Variants in MYO16 observed in about 807,000 individuals in gnomAD.
The protein encoded by MYO16 is unconventional myosin-XVI.
A neutral mutation model predicts 205.3 loss-of-function variants in MYO16; 94 were observed. That is an observed-to-expected ratio of 0.46 (90% confidence interval 0.39 to 0.54). The LOEUF (loss-of-function observed/expected upper bound fraction) is 0.54. Ranked by LOEUF, MYO16 falls within the 20% of genes least tolerant of loss-of-function variation. The probability of loss-of-function intolerance (pLI) is 0.00; values close to 1 mark genes in which losing one functional copy is unlikely to be tolerated. For synonymous variants in MYO16, 988 were observed against 954.0 expected (o/e 1.04, Z -0.66); for missense variants, 2,315 against 2,387.5 (o/e 0.97, Z 0.63).
intron 29 of MYO16, among the ~76,000 whole-genome samples, chr13:109,122,947 A>G (rs1197910845): frequency 6.6e-6 from 1 of 152,196 alleles, no homozygotes; most frequent in East Asian, 1.9e-4. Flanking sequence ...TTCTTTAAAA[A>G]TGTCCAGGGG....
intron 33 of MYO16, among the ~76,000 whole-genome samples, chr13:109,176,335 G>A (rs1480186068): frequency 1.3e-5 from 2 of 151,430 alleles, no homozygotes; most frequent in Non-Finnish European, 2.9e-5. Context: ...GGATCTGTAG[G>A]ATGTTTGAAG....
rs1876301386 is a variant in MYO16, at chr13:109,127,313, C to T, written c.3814C>T (p.His1272Tyr). 1 of 1,598,756 alleles carries T rather than the reference C, an allele frequency of 6.3e-7. No homozygotes were observed. The highest frequency in any genetic ancestry group is 1.3e-5 in the African/African-American group (1 of 74,630). Residue 1272 changes from histidine (H) to tyrosine (Y), a missense_variant, in exon 31 of 35, where the codon CAC becomes TAC. Coordinates refer to ENST00000457511, the MANE Select transcript of MYO16 (RefSeq NM_001198950.3). This position sits in a 1 kb window ranked among gnomAD's most constrained non-coding sequence, Gnocchi z 4.2. ...TDDKSGPRHF[H>Y]PSSMSVCAAV... ...TGACAAGAGTGGACCCAGGCATTTC[C>T]ACCCCAGCTCCATGTCAGTCTGCGC... is the stretch of plus-strand genomic sequence containing the variant.
intron 14 of MYO16, among the ~76,000 whole-genome samples, chr13:108,891,972 C>G (rs1880196472): frequency 6.6e-6 from 1 of 151,968 alleles, no homozygotes; most frequent in Admixed American, 6.5e-5. Context: ...GTATCTGATT[C>G]CTTATTTAGA....
chr13:108,690,257 C>T (rs184365264), intron 2 of MYO16, among the ~76,000 whole-genome samples: 3 of 124,962 alleles, frequency 2.4e-5, no homozygotes, highest in Non-Finnish European at 5.1e-5. Context: ...CTTTTCTCAC[C>T]TTTTCTTTCT....
At chr13:108,976,259 G>A (rs1457959176) in intron 20 of MYO16, among the ~76,000 whole-genome samples, 1 of 152,052 alleles carries the variant, frequency 6.6e-6, no homozygotes, top group Non-Finnish European at 1.5e-5. Flanking sequence ...CCTAAGTGAA[G>A]TTTTATCTCT....
chr13:108,753,687 C>T (rs539235889), intron 4 of MYO16, among the ~76,000 whole-genome samples: 20 of 152,076 alleles, frequency 1.3e-4, no homozygotes, highest in South Asian at 2.1e-4. Context: ...GCTACTGAGG[C>T]GCTCCTGGAG....
chr13:108,741,571 T>A (rs1884911434), intron 4 of MYO16, among the ~76,000 whole-genome samples: 1 of 152,208 alleles, frequency 6.6e-6, no homozygotes, highest in Non-Finnish European at 1.5e-5. Context: ...CAGCTGTGAA[T>A]GTGAACCCTG....
At chr13:108,850,848 A>G (rs1877826291) in intron 10 of MYO16, among the ~76,000 whole-genome samples, 1 of 152,186 alleles carries the variant, frequency 6.6e-6, no homozygotes, top group Non-Finnish European at 1.5e-5. Flanking sequence ...GCTAGGGAGT[A>G]GTCACATTTT....
intron 6 of MYO16, among the ~76,000 whole-genome samples, chr13:108,798,857 C>T (rs1024526383): frequency 6.8e-6 from 1 of 146,092 alleles, no homozygotes; most frequent in Admixed American, 6.9e-5. Context: ...AGGCGCCCGC[C>T]ACCGCGCCCG....
intron 28 of MYO16, 118 bp downstream of exon 28, chr13:109,101,005 C>G (rs1358899705): frequency 1.3e-6 from 1 of 778,348 alleles, no homozygotes; most frequent in Non-Finnish European, 2.1e-6. Context: ...ATGTGTTTGG[C>G]AAGGCGTGAC....
chr13:108,704,140 C>T (rs1227071158), intron 2 of MYO16, among the ~76,000 whole-genome samples: 2 of 152,254 alleles, frequency 1.3e-5, no homozygotes, highest in South Asian at 2.1e-4. Flanking sequence ...AATAAATTTC[C>T]ATTGTGTAAA....
chr13:109,023,735 A>AT (rs1385883005), intron 23 of MYO16, among the ~76,000 whole-genome samples: 24 of 112,906 alleles, frequency 2.1e-4, no homozygotes, highest in African/African-American at 3.3e-4. Flanking sequence ...ATATGCATAT[A>AT]TACATATATA....
At chr13:109,012,691 G>C (rs1885642403) in intron 22 of MYO16, among the ~76,000 whole-genome samples, 1 of 151,884 alleles carries the variant, frequency 6.6e-6, no homozygotes, top group South Asian at 2.1e-4. Context: ...CCATATGTGG[G>C]GGATGGAAGA....
intron 23 of MYO16, among the ~76,000 whole-genome samples, chr13:109,028,808 C>A (rs1346101451): frequency 6.6e-6 from 1 of 151,634 alleles, no homozygotes; most frequent in Non-Finnish European, 1.5e-5. Flanking sequence ...TCACTGATTT[C>A]CACAGACCTT....
intron 3 of MYO16, among the ~76,000 whole-genome samples, chr13:108,717,956 T>G (rs2139563618): frequency 6.6e-6 from 1 of 152,340 alleles, no homozygotes; most frequent in Non-Finnish European, 1.5e-5. Context: ...ACTGTTTTTA[T>G]TCAAAGTTTA....
At chr13:108,622,047 C>T (rs1445019082) in intron 1 of MYO16, among the ~76,000 whole-genome samples, 1 of 151,968 alleles carries the variant, frequency 6.6e-6, no homozygotes, top group Non-Finnish European at 1.5e-5. Context: ...AAGTGTCCCC[C>T]ACAGATTGGG....
At chr13:108,625,879 A>G (rs1461047620), upstream of MYO16, among the ~76,000 whole-genome samples, 1 of 152,240 alleles carries the variant, frequency 6.6e-6, no homozygotes, top group Non-Finnish European at 1.5e-5. Context: ...TGCAGGCACT[A>G]TTAGATTAGG....
Position 109,141,487 on chromosome 13 carries a change from C to A in MYO16, c.5164+111C>A. 2 of 767,924 alleles carry A rather than the reference C, an allele frequency of 2.6e-6. No homozygotes were observed. Among genetic ancestry groups the A allele is most frequent in the Non-Finnish European group, 3.8e-6 (2 of 530,666 alleles). 47.6% of individuals were successfully genotyped at this position (767,924 alleles called of 1,614,324 possible). ...GAAATAGTAAAGTTTCAGGTGATGG[C>A]CGTGGTCGTTCAGAGCAGATATCAG... On this transcript the variant is annotated intron_variant, in intron 32 of 34. Transcript: ENST00000457511. This position sits in a 1 kb window ranked among gnomAD's most constrained non-coding sequence, Gnocchi z 4.1.
At chr13:108,575,893 T>C in the MYO16 span, among the ~76,000 whole-genome samples, 1 of 152,138 alleles carries the variant, frequency 6.6e-6, no homozygotes, top group African/African-American at 2.4e-5. Context: ...GGTGAATGGA[T>C]ATGCCATAGA....
Sources: gnomAD v4.1 joint callset for allele counts (sites outside exome capture counted in the v4.1 genomes callset) on GRCh38, gnomAD v4.1.1 for gene constraint, Gnocchi (gnomAD v3.1) non-coding constraint, MANE v1.5 for transcripts, NCBI Gene and HGNC (gene_info 2026-07-23, HGNC 2026-07-21) for gene names.